Variants in CASTOR2 observed in about 807,000 individuals in gnomAD.
CASTOR2 encodes the protein cytosolic arginine sensor for mTORC1 subunit 2, also known as GATS protein like 2.
Under a neutral mutation model 31.2 loss-of-function variants are expected in CASTOR2, and 8 were observed. That is an observed-to-expected ratio of 0.26 (90% CI 0.15 to 0.46). CASTOR2 has a LOEUF of 0.46. Among genes scored for constraint, CASTOR2 ranks in the 20% least tolerant of loss-of-function variants. The pLI is 0.99. For synonymous variants in CASTOR2, 162 were observed against 158.7 expected (o/e 1.02, Z -0.16); for missense variants, 216 against 382.1 (o/e 0.57, Z 3.62).
At chr7:75,006,640 C>A (rs1307047764) in intron 1 of CASTOR2, among the ~76,000 whole-genome samples, 4 of 152,114 alleles carry the variant, frequency 2.6e-5, no homozygotes, top group Admixed American at 6.6e-5. Context: ...TTGTAATAAT[C>A]CCCACGTGTC....
At chr7:75,019,953 TG>T in intron 5 of CASTOR2, 85 bp from the exon 6 acceptor site, 1 of 1,310,976 alleles carries the variant, frequency 7.6e-7, no homozygotes, top group Non-Finnish European at 1.1e-6. Flanking sequence ...CATCAAAGCC[TG>T]GGCAGGGCCC....
At chr7:75,020,692 T>C (rs1804977543) in intron 6 of CASTOR2, among the ~76,000 whole-genome samples, 1 of 152,024 alleles carries the variant, frequency 6.6e-6, no homozygotes. Context: ...GGTTTCACCA[T>C]GTTAGCCAAG....
At chr7:75,011,661 G>A (rs1436335756) in intron 2 of CASTOR2, among the ~76,000 whole-genome samples, 10 of 148,030 alleles carry the variant, frequency 6.8e-5, no homozygotes, top group East Asian at 2.0e-4. Flanking sequence ...TCGTGAACCC[G>A]GGAGGCGGGC....
chr7:75,020,513 C>T (rs1476547935), intron 6 of CASTOR2, among the ~76,000 whole-genome samples: 4 of 146,092 alleles, frequency 2.7e-5, no homozygotes, highest in African/African-American at 7.6e-5. Context: ...TTTTTTTAGA[C>T]GGAGTCTCGC....
At chr7:74,983,894 C>T (rs1804003973) in intron 1 of CASTOR2, among the ~76,000 whole-genome samples, 1 of 151,398 alleles carries the variant, frequency 6.6e-6, no homozygotes, top group Non-Finnish European at 1.5e-5. Flanking sequence ...GTTCCTCCCG[C>T]CTCAGCCTCC....
In CASTOR2 at chr7:75,025,879, G is replaced by T. The variant is rs1216550015; in HGVS notation, c.*1180G>T. Among the ~76,000 whole-genome samples the T allele has an allele frequency of 7.9e-5, 12 of 152,166 alleles. No homozygotes were observed. Among genetic ancestry groups the T allele is most frequent in the African/African-American group, 2.9e-4 (12 of 41,436 alleles). ...TGCTCTGTGGCTCCAGGGACAGGCA[G>T]TGGGAATCGGGAGATGTCACAGGAG... is the stretch of plus-strand genomic sequence containing the variant. On this transcript the variant is annotated 3_prime_UTR_variant, in exon 9 of 9. Coordinates refer to ENST00000616305, the MANE Select transcript of CASTOR2 (RefSeq NM_001145064.3).
intron 1 of CASTOR2, among the ~76,000 whole-genome samples, chr7:74,990,165 G>T (rs1183651187): frequency 6.6e-6 from 1 of 151,912 alleles, no homozygotes. Context: ...GAGGCGGGCA[G>T]ATCACAAGGT....
intron 1 of CASTOR2, among the ~76,000 whole-genome samples, chr7:74,988,388 C>T (rs1452316711): frequency 1.2e-4 from 18 of 152,128 alleles, no homozygotes; most frequent in Non-Finnish European, 2.2e-4. Flanking sequence ...AGCTCCGCCT[C>T]CCGGGTTCAC....
intron 2 of CASTOR2, among the ~76,000 whole-genome samples, chr7:75,014,272 C>G (rs1240206971): frequency 6.6e-6 from 1 of 151,676 alleles, no homozygotes; most frequent in Admixed American, 6.6e-5. Context: ...AGGCAGTGAC[C>G]GATCAAAAGG....
intron 2 of CASTOR2, among the ~76,000 whole-genome samples, chr7:75,010,027 C>T (rs1453078016): frequency 1.6e-4 from 25 of 151,812 alleles, no homozygotes; most frequent in Admixed American, 6.6e-4. Flanking sequence ...CTCAGCCTCC[C>T]GAGTAGCTGA....
chr7:75,000,279 C>T (rs1178079095), intron 1 of CASTOR2, among the ~76,000 whole-genome samples: 2 of 152,106 alleles, frequency 1.3e-5, no homozygotes, highest in Non-Finnish European at 2.9e-5. Flanking sequence ...AGTAAAACAT[C>T]AGCAGGGAGG....
chr7:74,975,384 T>C (rs1233454467), intron 1 of CASTOR2, among the ~76,000 whole-genome samples: 2 of 147,440 alleles, frequency 1.4e-5, no homozygotes, highest in Non-Finnish European at 3.0e-5. Context: ...GTGCTGGGAT[T>C]ACAGGCATGA....
At chr7:74,991,850 T>C (rs1554437374) in intron 1 of CASTOR2, among the ~76,000 whole-genome samples, 1 of 152,042 alleles carries the variant, frequency 6.6e-6, no homozygotes, top group Non-Finnish European at 1.5e-5. Flanking sequence ...GAAGCCATCC[T>C]GGGGCCCTTG....
chr7:74,990,396 AAAAACAAAAAAC>A (rs1804179443), intron 1 of CASTOR2, among the ~76,000 whole-genome samples: 3 of 147,010 alleles, frequency 2.0e-5, no homozygotes, highest in African/African-American at 7.4e-5. Context: ...AAAAAAAAAC[AAAAACAAAAAAC>A]AACAACAACA....
chr7:75,007,583 G>A (rs1286069376), intron 1 of CASTOR2, among the ~76,000 whole-genome samples: 1 of 152,116 alleles, frequency 6.6e-6, no homozygotes, highest in African/African-American at 2.4e-5. Flanking sequence ...CAAGTCAATG[G>A]GAGGGGAGAT....
At chr7:74,996,696 A>AACCACAGC (rs1804355549) in intron 1 of CASTOR2, among the ~76,000 whole-genome samples, 1 of 136,896 alleles carries the variant, frequency 7.3e-6, no homozygotes, top group South Asian at 2.4e-4. Flanking sequence ...TTATGAAAGC[A>AACCACAGC]ACCACAGCAT....
At chr7:74,983,267 C>T (rs1803988107) in intron 1 of CASTOR2, among the ~76,000 whole-genome samples, 1 of 148,692 alleles carries the variant, frequency 6.7e-6, no homozygotes, top group African/African-American at 2.5e-5. Context: ...CTGCCTCAGC[C>T]TCCCAAAGTG....
rs1804910820 is a variant in CASTOR2, at chr7:75,018,206, G to C, written c.511+84G>C. On this transcript the variant is annotated intron_variant, in intron 4 of 8. Coordinates refer to ENST00000616305, the MANE Select transcript of CASTOR2 (RefSeq NM_001145064.3). ...GCAGACCAGCCTTACTCTCAGCACGGGCTTCTGCCCACTGAGCATGAATGG... is the reference window on the plus strand; with the variant it reads ...GCAGACCAGCCTTACTCTCAGCACGCGCTTCTGCCCACTGAGCATGAATGG... The C allele has an allele frequency of 5.1e-6, 8 of 1,558,228 alleles. No individual in the cohort carries two copies. The Admixed American group carries it at 9.7e-5, about 19-fold the overall frequency.
intron 1 of CASTOR2, among the ~76,000 whole-genome samples, chr7:74,987,785 T>G (rs1366138483): frequency 3.9e-5 from 6 of 152,062 alleles, no homozygotes; most frequent in Non-Finnish European, 7.4e-5. Flanking sequence ...ATCGGCTCAC[T>G]GCAACCTCCA....
Sources: gnomAD v4.1 joint callset for allele counts (sites outside exome capture counted in the v4.1 genomes callset) on GRCh38, gnomAD v4.1.1 for gene constraint, MANE v1.5 for transcripts, NCBI Gene and HGNC (gene_info 2026-07-23, HGNC 2026-07-21) for gene names.